Variants in PWWP2A observed in about 807,000 individuals in gnomAD.
PWWP2A encodes the protein PWWP domain containing 2A.
In PWWP2A, 18 loss-of-function variants were observed where a neutral mutation model predicts 48.5. That is an observed-to-expected ratio of 0.37 (90% CI 0.26 to 0.55). PWWP2A has a LOEUF of 0.55. Among genes scored for constraint, PWWP2A ranks in the 20% least tolerant of loss-of-function variants. The pLI is 0.81. For synonymous variants in PWWP2A, 396 were observed against 387.7 expected, an observed-to-expected ratio of 1.02 and a Z score of -0.25; for missense variants, 867 against 976.4, an observed-to-expected ratio of 0.89 and a Z score of 1.49.
chr5:160,089,432 G>A (rs936352774), downstream of PWWP2A: 26 of 760,868 alleles, frequency 3.4e-5, no homozygotes, highest in African/African-American at 3.2e-4. Flanking sequence ...GAGTGGTCTC[G>A]AACTCCGGGC....
intron 2 of PWWP2A, among the ~76,000 whole-genome samples, chr5:160,081,383 C>G (rs149636286): frequency 0.048 from 7,294 of 151,934 alleles, 193 homozygotes; most frequent in Non-Finnish European, 0.07. Flanking sequence ...GGATTACAGG[C>G]GCCCGCCACC....
Position 160,091,514 on chromosome 5 carries a change from CAT to C in PWWP2A, c.*866_*867del, listed in dbSNP as rs1470570706. 15 of 980,892 alleles carry C rather than the reference CAT, an allele frequency of 1.5e-5. No homozygotes were observed. The highest frequency in any genetic ancestry group is 8.8e-5 in the African/African-American group (5 of 57,096). 60.8% of individuals were successfully genotyped at this position (980,892 alleles called of 1,614,324 possible). ...GTACATCCAAAATGCAACAATTACA[CAT>C]ATGACAATTAATTCACAAAGTATAA... On this transcript the variant is annotated 3_prime_UTR_variant, in exon 2 of 2. Transcript: ENST00000307063.
At chr5:160,052,325 G>A in the PWWP2A span, among the ~76,000 whole-genome samples, 24 of 152,076 alleles carry the variant, frequency 1.6e-4, no homozygotes, top group Non-Finnish European at 3.2e-4. Flanking sequence ...GCAACATGGT[G>A]AAACCCCATC....
the PWWP2A span, among the ~76,000 whole-genome samples, chr5:160,045,494 A>T: frequency 3.1e-4 from 35 of 113,148 alleles, 1 homozygote; most frequent in African/African-American, 8.7e-4. Flanking sequence ...ACACACACAC[A>T]CACACACACA....
At chr5:160,094,878 T>A (rs1463203687) in intron 1 of PWWP2A, among the ~76,000 whole-genome samples, 2 of 151,110 alleles carry the variant, frequency 1.3e-5, no homozygotes, top group African/African-American at 4.9e-5. Context: ...AAACCCCGTC[T>A]CTACTAAAAA....
intron 2 of PWWP2A, among the ~76,000 whole-genome samples, chr5:160,070,666 G>A (rs1753720142): frequency 1.3e-5 from 2 of 152,094 alleles, no homozygotes; most frequent in African/African-American, 4.8e-5. Context: ...GTCTAAATGT[G>A]GAGGCTGGGG....
chr5:160,079,704 G>A (rs1193545991), intron 3 of PWWP2A, among the ~76,000 whole-genome samples: 1 of 152,142 alleles, frequency 6.6e-6, no homozygotes, highest in Non-Finnish European at 1.5e-5. Flanking sequence ...TAAAATCTAT[G>A]GCAGGAAAGG....
At chr5:160,105,774 CAA>C (rs549595565) in intron 1 of PWWP2A, 182 of 65,372 alleles carry the variant, frequency 2.8e-3, no homozygotes, top group Non-Finnish European at 4.4e-3. Context: ...GACGCCATCT[CAA>C]AAAAAAAAAA....
chr5:160,113,335 AAAT>A (rs1757784642), intron 1 of PWWP2A: 6 of 983,110 alleles, frequency 6.1e-6, no homozygotes, highest in Non-Finnish European at 7.2e-6. Context: ...ATAATGCAAA[AAAT>A]AATAATACAA....
chr5:160,078,099 G>C lies in PWWP2A; in HGVS notation c.*56C>G, dbSNP rs1350706933. On this transcript the variant is annotated 3_prime_UTR_variant, in exon 4 of 4. Transcript: ENST00000456329. The surrounding 1 kb of genome is among the most constrained non-coding windows in gnomAD (Gnocchi z 4.2). ...AAAAACTCCAATTTCATTCAGTCCT[G>C]ATGCTCTGGTGTTCTCTGTGTCATT... 9 of 1,456,500 alleles carry C rather than the reference G, an allele frequency of 6.2e-6. No homozygotes were observed. In the African/African-American group the frequency reaches 9.8e-5, roughly 16 times the overall value. 90.2% of individuals were successfully genotyped at this position (1,456,500 alleles called of 1,614,324 possible).
At chr5:160,102,396 T>G (rs1455386892) in intron 1 of PWWP2A, among the ~76,000 whole-genome samples, 2 of 54,862 alleles carry the variant, frequency 3.6e-5, no homozygotes, top group Non-Finnish European at 6.1e-5. Flanking sequence ...AGACTCCATC[T>G]CAAAAAAAAA....
intron 1 of PWWP2A, among the ~76,000 whole-genome samples, chr5:160,103,093 A>G (rs1180320402): frequency 6.6e-6 from 1 of 152,242 alleles, no homozygotes; most frequent in African/African-American, 2.4e-5. Flanking sequence ...TCTTCAACTC[A>G]GTCTCAAACA....
In PWWP2A at chr5:160,099,668, C is replaced by CA. The variant is rs1339228215; in HGVS notation, c.585-5604dup. Among the ~76,000 whole-genome samples, 396 of 145,454 alleles carry CA rather than the reference C, an allele frequency of 2.7e-3. 1 individual carries two copies. The highest frequency in any genetic ancestry group is 7.2e-3 in the African/African-American group (285 of 39,624). ...ATCTTAATAATTTAGGAGTAAGTGC[C>CA]AAAAAAAAAATTTTTTTTTTTTTTT... On this transcript the variant is annotated intron_variant, in intron 1 of 1. Coordinates refer to ENST00000307063, the MANE Select transcript of PWWP2A (RefSeq NM_001130864.2).
chr5:160,049,317 G>A, the PWWP2A span, among the ~76,000 whole-genome samples: 2 of 152,270 alleles, frequency 1.3e-5, no homozygotes, highest in African/African-American at 4.8e-5. Context: ...GACACAGATG[G>A]TCTGTCTGAC....
chr5:160,092,794 G>A lies in PWWP2A; in HGVS notation c.1856C>T (p.Thr619Ile), dbSNP rs1755215858. 1 of 1,551,686 alleles carries A rather than the reference G, an allele frequency of 6.4e-7. No homozygotes were observed. The highest frequency in any genetic ancestry group is 8.7e-7 in the Non-Finnish European group (1 of 1,146,968). ...TTTCTCTTCCTTTGAAGAGGAGGAA[G>A]TGGAGGAGGTGGAAGGTGCATGCAT... The part of the protein sequence containing the change: ...GSMHAPSTSS[T>I]SSSSKEEKKL... Residue 619 changes from threonine (T) to isoleucine (I), a missense_variant, in exon 2 of 2, where the codon ACT becomes ATT. Transcript: ENST00000307063.
downstream of PWWP2A, among the ~76,000 whole-genome samples, chr5:160,071,312 C>T (rs1356076901): frequency 6.6e-6 from 1 of 152,144 alleles, no homozygotes. Flanking sequence ...TAAGTTGGTG[C>T]AGGAAGACCC....
At chr5:160,073,125 G>T (rs186227715), downstream of PWWP2A, among the ~76,000 whole-genome samples, 186 of 152,130 alleles carry the variant, frequency 1.2e-3, no homozygotes, top group Non-Finnish European at 9.6e-4. Flanking sequence ...TGCCAATAAG[G>T]CTGCTGTGTG....
chr5:160,110,302 T>C (rs1271443658), intron 1 of PWWP2A, among the ~76,000 whole-genome samples: 45 of 152,094 alleles, frequency 3.0e-4, no homozygotes, highest in Non-Finnish European at 5.9e-5. Flanking sequence ...CGGCCAACAG[T>C]CTGACATTTT....
At chr5:160,109,504 G>T (rs1273170140) in intron 1 of PWWP2A, among the ~76,000 whole-genome samples, 1 of 151,846 alleles carries the variant, frequency 6.6e-6, no homozygotes, top group Admixed American at 6.6e-5. Context: ...TGGGCTGAAG[G>T]CTTTTGCTCT....
Sources: allele counts gnomAD v4.1 joint callset (sites outside exome capture counted in the v4.1 genomes callset), GRCh38; gene constraint gnomAD v4.1.1; non-coding constraint Gnocchi (gnomAD v3.1); transcripts MANE v1.5; gene names NCBI Gene and HGNC (gene_info 2026-07-23, HGNC 2026-07-21).